The following EFCAB5 variants were observed in gnomAD, a reference collection of about 807,000 sequenced individuals.
EFCAB5 encodes the protein EF-hand calcium-binding domain-containing protein 5.
Under a neutral mutation model 167.9 loss-of-function variants are expected in EFCAB5, and 131 were observed. The ratio of observed to expected loss-of-function variants is 0.78; its 90% confidence interval spans 0.68 to 0.90. The LOEUF (loss-of-function observed/expected upper bound fraction) is 0.90. Among genes scored for constraint, EFCAB5 ranks in the 40% least tolerant of loss-of-function variants. The probability of loss-of-function intolerance (pLI) is 0.00; values close to 1 mark genes in which losing one functional copy is unlikely to be tolerated. For synonymous variants in EFCAB5, 574 were observed against 602.8 expected (o/e 0.95, Z 0.70); for missense variants, 1,663 against 1,745.2 (o/e 0.95, Z 0.84).
chr17:29,994,167 T>TATATACAC (rs1555554318), intron 5 of EFCAB5, among the ~76,000 whole-genome samples: 3 of 132,230 alleles, frequency 2.3e-5, no homozygotes, highest in Admixed American at 7.7e-5. Context: ...TATATATATA[T>TATATACAC]ATATATATAT....
At chr17:30,068,893 A>G in intron 14 of EFCAB5, 1 of 1,534,268 alleles carries the variant, frequency 6.5e-7, no homozygotes, top group Non-Finnish European at 9.0e-7. Flanking sequence ...TGGGAGGATG[A>G]CAGACACAGA....
rs190287196 is a variant in EFCAB5 at position 29,933,157 on chromosome 17, C to G, written c.-127+3828C>G. ...ACATCAACAAATAATTAGAGCGTAG[C>G]TTAGTGGTACCATGGCTTCTGTCAC... On this transcript the variant is annotated intron_variant, in intron 1 of 3. Transcript: ENST00000448319. Among the ~76,000 whole-genome samples the G allele has an allele frequency of 7.9e-5, 12 of 152,316 alleles. No homozygotes were observed. In the East Asian group the frequency reaches 2.3e-3, roughly 29 times the overall value.
intron 1 of EFCAB5, among the ~76,000 whole-genome samples, chr17:29,934,349 A>G (rs923878399): frequency 6.6e-6 from 1 of 152,226 alleles, no homozygotes; most frequent in Non-Finnish European, 1.5e-5. Context: ...ACATTTGCCA[A>G]TGGGAATTTC....
chr17:29,985,218 G>T (rs1397042385), intron 4 of EFCAB5, among the ~76,000 whole-genome samples: 1 of 152,154 alleles, frequency 6.6e-6, no homozygotes, highest in Non-Finnish European at 1.5e-5. Context: ...GGCTGCAAGG[G>T]TAACTCTTAT....
At chr17:30,098,273 C>G (rs1164289669) in intron 22 of EFCAB5, among the ~76,000 whole-genome samples, 1 of 150,664 alleles carries the variant, frequency 6.6e-6, no homozygotes, top group Non-Finnish European at 1.5e-5. Context: ...GCCTGTAATC[C>G]CAGCACTTTG....
At chr17:30,034,474 G>A in intron 8 of EFCAB5, 89 bp downstream of exon 8, 1 of 1,475,198 alleles carries the variant, frequency 6.8e-7, no homozygotes, top group Non-Finnish European at 9.0e-7. Context: ...TGAGGCTGGT[G>A]GATTACTTGA....
chr17:30,104,724 T>C (rs925242785), intron 22 of EFCAB5, among the ~76,000 whole-genome samples: 2 of 152,236 alleles, frequency 1.3e-5, no homozygotes, highest in South Asian at 4.1e-4. Context: ...AGCAGAGCGC[T>C]GGAGGCTCAT....
At chr17:29,973,834 C>A (rs1355243518) in intron 4 of EFCAB5, among the ~76,000 whole-genome samples, 1 of 149,292 alleles carries the variant, frequency 6.7e-6, no homozygotes, top group Non-Finnish European at 1.5e-5. Context: ...GACATAATTA[C>A]TGATTTGTTT....
In EFCAB5 at chr17:30,057,949, A is replaced by C. The variant is rs2070320557; in HGVS notation, c.2580+59A>C. 3 of 1,480,532 alleles carry C rather than the reference A, an allele frequency of 2.0e-6. No individual in the cohort carries two copies. In the African/African-American group the frequency reaches 4.2e-5, roughly 21 times the overall value. 91.7% of individuals were successfully genotyped at this position (1,480,532 alleles called of 1,614,324 possible). On this transcript the variant is annotated intron_variant, in intron 13 of 22. Transcript: ENST00000394835. The stretch of plus-strand genomic sequence containing the variant: ...GGTCACTATTATAAGTAAATCTCTC[A>C]ACCTCAGTTGCTCCCGATGTGGCTC...
chr17:29,945,315 T>G (rs922496334), intron 3 of EFCAB5, among the ~76,000 whole-genome samples: 1 of 146,860 alleles, frequency 6.8e-6, no homozygotes, highest in Non-Finnish European at 1.5e-5. Context: ...AGGTGCTGGG[T>G]TTTTTTTTTT....
intron 18 of EFCAB5, 33 bp from the exon 19 acceptor site, chr17:30,087,030 T>C (rs1305056036): frequency 6.3e-7 from 1 of 1,593,108 alleles, no homozygotes; most frequent in African/African-American, 1.3e-5. Flanking sequence ...TGAGGTCTAA[T>C]TACTCCTAAT....
At chr17:29,986,636 C>CT (rs1196821046) in intron 4 of EFCAB5, among the ~76,000 whole-genome samples, 106 of 87,832 alleles carry the variant, frequency 1.2e-3, no homozygotes, top group African/African-American at 4.0e-3. Flanking sequence ...GGAGTATATT[C>CT]ATTTTTTTTT....
At chr17:29,986,202 T>G (rs532488641) in intron 4 of EFCAB5, among the ~76,000 whole-genome samples, 4 of 152,354 alleles carry the variant, frequency 2.6e-5, no homozygotes, top group Admixed American at 2.6e-4. Flanking sequence ...GTTTGTAGAG[T>G]GTCCTTCTAG....
At chr17:30,022,372 G>A (rs1185556228) in intron 7 of EFCAB5, among the ~76,000 whole-genome samples, 1 of 152,146 alleles carries the variant, frequency 6.6e-6, no homozygotes, top group African/African-American at 2.4e-5. Context: ...ACCAGAGAAG[G>A]AGAGGATCAA....
chr17:30,011,539 T>C (rs1316829359), intron 7 of EFCAB5, among the ~76,000 whole-genome samples: 5 of 152,202 alleles, frequency 3.3e-5, no homozygotes, highest in African/African-American at 1.2e-4. Flanking sequence ...TAAGTTGGAT[T>C]CCTAGGTATT....
At position 30,091,798 on chromosome 17, in the gene EFCAB5, C is replaced by T. The variant is rs138339868; in HGVS notation, c.3938-73C>T. The T allele has an allele frequency of 4.1e-3, 6,157 of 1,501,772 alleles. 23 individuals are homozygous for T. Among genetic ancestry groups the T allele is most frequent in the Middle Eastern group, 0.021 (121 of 5,644 alleles). The allele number at this position is 1,501,772 out of a possible 1,614,324, so 93.0% of individuals were successfully genotyped here. On this transcript the variant is annotated intron_variant, in intron 20 of 22. Transcript: ENST00000394835. ...ACATTTACTATAATATGTTCAGAATCCTATGAAAAAGTAATGTACAGCAAT... is the reference window on the plus strand; with the variant it reads ...ACATTTACTATAATATGTTCAGAATTCTATGAAAAAGTAATGTACAGCAAT...
intron 3 of EFCAB5, among the ~76,000 whole-genome samples, chr17:29,948,028 G>T (rs867401775): frequency 6.6e-5 from 10 of 152,112 alleles, no homozygotes; most frequent in Middle Eastern, 3.2e-3. Context: ...GTTTCACCAT[G>T]TTGGCCAGGC....
chr17:30,072,638 A>T (rs1021301813), intron 14 of EFCAB5, among the ~76,000 whole-genome samples: 1 of 152,148 alleles, frequency 6.6e-6, no homozygotes, highest in African/African-American at 2.4e-5. Context: ...ATTTAGATTT[A>T]TCTACTGTTT....
intron 19 of EFCAB5, among the ~76,000 whole-genome samples, chr17:30,089,522 T>C (rs1482196979): frequency 6.6e-6 from 1 of 152,174 alleles, no homozygotes; most frequent in African/African-American, 2.4e-5. Flanking sequence ...GAGGTGTGTC[T>C]GTGCCTCACC....
Sources: gnomAD v4.1 joint callset for allele counts (sites outside exome capture counted in the v4.1 genomes callset) on GRCh38, gnomAD v4.1.1 for gene constraint, MANE v1.5 for transcripts, NCBI Gene and HGNC (gene_info 2026-07-23, HGNC 2026-07-21) for gene names.